The following TBC1D16 variants were observed in gnomAD, a reference collection of about 807,000 sequenced individuals.
TBC1D16 encodes the protein CTD-2529O21.1.
Under a neutral mutation model 74.7 loss-of-function variants are expected in TBC1D16, and 58 were observed. That is an observed-to-expected ratio of 0.78 (90% CI 0.63 to 0.97). The LOEUF (loss-of-function observed/expected upper bound fraction) is 0.97, where lower values mean the gene tolerates loss of function less well. TBC1D16 is among the 50% of genes least tolerant of loss of function. The probability of loss-of-function intolerance (pLI) is 0.00; values close to 1 mark genes in which losing one functional copy is unlikely to be tolerated. For missense variants in TBC1D16, 1,014 were observed against 1,079.5 expected (o/e 0.94, Z 0.85); for synonymous variants, 493 against 474.7 (o/e 1.04, Z -0.50).
At chr17:79,943,485 G>A (rs756883031) in intron 10 of TBC1D16, among the ~76,000 whole-genome samples, 10 of 152,116 alleles carry the variant, frequency 6.6e-5, no homozygotes, top group Non-Finnish European at 1.3e-4. Context: ...CTCGCTCAGG[G>A]GTCACTGAAC....
Position 79,986,174 on chromosome 17 carries a change from C to T in TBC1D16, c.779+23986G>A, listed in dbSNP as rs902799682. On this transcript the variant is annotated intron_variant, in intron 3 of 11. Transcript: ENST00000310924. This position sits in a 1 kb window ranked among gnomAD's most constrained non-coding sequence, Gnocchi z 6.0. ...TGAATCACTGCAGTGCCAATTTCCT[C>T]GTGGTCCCAAAGTGCGGGAGGGAGG... is the stretch of plus-strand genomic sequence containing the variant. 2.0e-5 allele frequency among the ~76,000 whole-genome samples: 3 copies of T among 152,168 alleles called. No homozygotes were observed. The highest frequency in any genetic ancestry group is 1.9e-4 in the East Asian group (1 of 5,194).
At chr17:79,964,550 T>G (rs565589579) in intron 3 of TBC1D16, among the ~76,000 whole-genome samples, 1 of 152,314 alleles carries the variant, frequency 6.6e-6, no homozygotes, top group South Asian at 2.1e-4. Context: ...CTGGGGGTGA[T>G]GGATCTGTTC....
intron 3 of TBC1D16, among the ~76,000 whole-genome samples, chr17:79,996,678 C>T (rs2035283698): frequency 6.6e-6 from 1 of 152,100 alleles, no homozygotes; most frequent in African/African-American, 2.4e-5. Flanking sequence ...CCCAGGAGTT[C>T]GAGACCAGCC....
At position 79,945,026 on chromosome 17, in the gene TBC1D16, A is replaced by T. The variant is rs1234197316; in HGVS notation, c.1790T>A (p.Leu597Gln). The change falls in exon 10 of 12, where the codon CTG becomes CAG. Residue 597 changes from leucine to glutamine, a missense_variant. By Grantham distance (113) the Leu-to-Gln change is moderately radical. Coordinates refer to ENST00000310924, the MANE Select transcript of TBC1D16 (RefSeq NM_019020.4). ...HVRFYQHLVS[L>Q]GEDGLQMLFC... ...GAGCATCTGCAGGCCGTCCTCGCCC[A>T]GCGAGACCAGGTGCTGGTAGAAGCG... The T allele has an allele frequency of 6.3e-7, 1 of 1,582,176 alleles. No individual in the cohort carries two copies. The highest frequency in any genetic ancestry group is 1.3e-5 in the African/African-American group (1 of 74,664).
At chr17:80,018,102 C>T (rs945756627) in intron 1 of TBC1D16, among the ~76,000 whole-genome samples, 1 of 151,176 alleles carries the variant, frequency 6.6e-6, no homozygotes, top group Non-Finnish European at 1.5e-5. Flanking sequence ...GAAAATTGCT[C>T]GCCGTCCTCT....
chr17:79,998,550 C>T (rs975998247), intron 3 of TBC1D16, among the ~76,000 whole-genome samples: 32 of 143,852 alleles, frequency 2.2e-4, no homozygotes, highest in African/African-American at 7.9e-4. Flanking sequence ...CAAGGTTTCA[C>T]CATGTTGCCC....
At chr17:80,031,128 C>T (rs980476393) in intron 1 of TBC1D16, among the ~76,000 whole-genome samples, 2 of 152,158 alleles carry the variant, frequency 1.3e-5, no homozygotes, top group South Asian at 4.1e-4. Context: ...GGTCAAAGGG[C>T]GATATGGAAT....
At position 79,940,879 on chromosome 17, in the gene TBC1D16, C is replaced by T. The variant is rs201904103; in HGVS notation, c.2284G>A (p.Gly762Ser). The change falls in exon 12 of 12, where the codon GGC (glycine) becomes AGC (serine). Residue 762 changes from glycine to serine, a missense_variant. Physicochemically the swap from Gly to Ser is moderately conservative, Grantham distance 56. Coordinates refer to ENST00000310924, the MANE Select transcript of TBC1D16 (RefSeq NM_019020.4). This position sits in a 1 kb window ranked among gnomAD's most constrained non-coding sequence, Gnocchi z 5.4. The part of the protein sequence containing the change: ...GKKGPKTPQD[G>S]FGFRR ...CCGACCTATCTGCGGAAGCCGAAGC[C>T]GTCCTGCGGCGTCTTTGGGCCCTTC... 21 of 1,557,104 alleles carry T rather than the reference C, an allele frequency of 1.3e-5. No homozygotes were observed. The highest frequency in any genetic ancestry group is 1.7e-5 in the Non-Finnish European group (19 of 1,144,458).
At chr17:79,965,087 T>TG (rs957625734) in intron 3 of TBC1D16, among the ~76,000 whole-genome samples, 1 of 151,832 alleles carries the variant, frequency 6.6e-6, no homozygotes, top group Non-Finnish European at 1.5e-5. Flanking sequence ...CTGTATTAAT[T>TG]TTTTTTTGAG....
At chr17:79,982,465 A>G (rs956570790) in intron 3 of TBC1D16, among the ~76,000 whole-genome samples, 3 of 151,798 alleles carry the variant, frequency 2.0e-5, no homozygotes, top group African/African-American at 4.8e-5. Flanking sequence ...TAAAGTCAAT[A>G]ATATCACATT....
At chr17:79,977,364 C>G (rs1197107273) in intron 3 of TBC1D16, among the ~76,000 whole-genome samples, 1 of 152,180 alleles carries the variant, frequency 6.6e-6, no homozygotes, top group Non-Finnish European at 1.5e-5. Flanking sequence ...GCCTCCACCT[C>G]CGGGTCTCTG....
Position 79,942,334 on chromosome 17 carries a change from CG to C in TBC1D16, c.1909-129del. 4 of 1,078,608 alleles carry C rather than the reference CG, an allele frequency of 3.7e-6. No homozygotes were observed. In the South Asian group the frequency reaches 4.9e-5, roughly 13 times the overall value. 66.8% of individuals were successfully genotyped at this position (1,078,608 alleles called of 1,614,324 possible). A position where few individuals can be genotyped will look rare whatever the true frequency, so the allele number is the denominator to read the frequency against. The stretch of plus-strand genomic sequence containing the variant: ...AGGGGTCTGGGCTCACAGCCCAGCT[CG>C]GGGGCCGTGTGGCCCTGGGCAAGCT... On this transcript the variant is annotated intron_variant, in intron 10 of 11. Coordinates refer to ENST00000310924, the MANE Select transcript of TBC1D16 (RefSeq NM_019020.4).
chr17:80,014,082 C>T (rs1025453379), intron 1 of TBC1D16, among the ~76,000 whole-genome samples: 10 of 152,170 alleles, frequency 6.6e-5, no homozygotes, highest in African/African-American at 2.2e-4. Flanking sequence ...ACAGGCAAGG[C>T]GCACTGGCTC....
Position 79,941,066 on chromosome 17 carries a change from G to C in TBC1D16, c.2097C>G (p.Ile699Met), listed in dbSNP as rs746141447. The change falls in exon 12 of 12, where the codon ATC (isoleucine) becomes ATG (methionine). Residue 699 changes from isoleucine to methionine, a missense_variant. Ile to Met is a conservative substitution (Grantham distance 10). Transcript: ENST00000310924. This position sits in a 1 kb window ranked among gnomAD's most constrained non-coding sequence, Gnocchi z 4.3. ...LLYQFRLLPR[I>M]PCSLHDLCKL... The stretch of plus-strand genomic sequence containing the variant: ...TACACAGATCGTGCAGGCTGCAGGG[G>C]ATCCGGGGCAGGAGGCGGAACTGGT... 2 of 1,595,100 alleles carry C rather than the reference G, an allele frequency of 1.3e-6. No homozygotes were observed. Among genetic ancestry groups the C allele is most frequent in the African/African-American group, 2.7e-5 (2 of 74,512 alleles).
rs1440380098 is a variant in TBC1D16 at position 79,954,778 on chromosome 17, G to A, written c.780-1960C>T. On this transcript the variant is annotated intron_variant, in intron 3 of 11. Coordinates refer to ENST00000310924, the MANE Select transcript of TBC1D16 (RefSeq NM_019020.4). The surrounding 1 kb of genome is among the most constrained non-coding windows in gnomAD (Gnocchi z 5.5). ...CCTGCTGGCCCGGCCCACCCAGTGG[G>A]GCCATCAGAGGGTGGTATCCTTTCC... Among the ~76,000 whole-genome samples, 3 of 152,136 alleles carry A rather than the reference G, an allele frequency of 2.0e-5. No homozygotes were observed. Among genetic ancestry groups the A allele is most frequent in the Non-Finnish European group, 2.9e-5 (2 of 68,016 alleles).
chr17:79,976,271 T>G (rs1304817993), intron 3 of TBC1D16, among the ~76,000 whole-genome samples: 2 of 152,218 alleles, frequency 1.3e-5, no homozygotes, highest in Admixed American at 1.3e-4. Flanking sequence ...GCCCCTGCAC[T>G]GTCCCAGGCT....
Position 79,951,562 on chromosome 17 carries a change from G to C in TBC1D16, c.977C>G (p.Ala326Gly). The C allele has an allele frequency of 1.9e-6, 3 of 1,613,984 alleles. No homozygotes were observed. In the South Asian group the frequency reaches 3.3e-5, roughly 18 times the overall value. The change falls in exon 5 of 12, where the codon GCC becomes GGC. Residue 326 changes from alanine to glycine, a missense_variant. Physicochemically the swap from Ala to Gly is moderately conservative, Grantham distance 60 (BLOSUM62 0). Transcript: ENST00000310924. ...EACTSGQLVVASRESQYKVFH... is the reference protein window; with the variant it reads ...EACTSGQLVVGSRESQYKVFH... ...AACCTTGTACTGGCTCTCTCGGCTG[G>C]CAACGACCAGCTGGCCGCTGGTGCA... is the stretch of plus-strand genomic sequence containing the variant.
At position 79,942,110 on chromosome 17, in the gene TBC1D16, G is replaced by A. The variant is rs1450180230; in HGVS notation, c.2005C>T (p.His669Tyr). The A allele has an allele frequency of 2.5e-6, 4 of 1,612,162 alleles. No homozygotes were observed. Among genetic ancestry groups the A allele is most frequent in the South Asian group, 2.2e-5 (2 of 90,762 alleles). Residue 669 changes from histidine to tyrosine, a missense_variant, in exon 11 of 12, where the codon CAC (histidine) becomes TAC (tyrosine). Transcript: ENST00000310924. ...QQLATDQMLL[H>Y]FGNLAMHMNG... ...ATGTGCATGGCCAGGTTTCCGAAGTGCAGGAGCATCTGGTCCGTGGCCAGC... is the reference window on the plus strand; with the variant it reads ...ATGTGCATGGCCAGGTTTCCGAAGTACAGGAGCATCTGGTCCGTGGCCAGC...
chr17:79,953,438 T>C (rs2033178218), intron 3 of TBC1D16, among the ~76,000 whole-genome samples: 1 of 152,248 alleles, frequency 6.6e-6, no homozygotes, highest in African/African-American at 2.4e-5. Context: ...CAGGTGCTTT[T>C]ATTGCAATTA....
Sources: allele counts gnomAD v4.1 joint callset (sites outside exome capture counted in the v4.1 genomes callset), GRCh38; gene constraint gnomAD v4.1.1; non-coding constraint Gnocchi (gnomAD v3.1); transcripts MANE v1.5; gene names NCBI Gene and HGNC (gene_info 2026-07-23, HGNC 2026-07-21).